The following USH1G variants were observed in gnomAD, a reference collection of about 807,000 sequenced individuals.
USH1G encodes pre-mRNA splicing regulator USH1G.
Under a neutral mutation model 31.9 loss-of-function variants are expected in USH1G, and 27 were observed. The ratio of observed to expected loss-of-function variants is 0.85; its 90% CI spans 0.62 to 1.17. The LOEUF (loss-of-function observed/expected upper bound fraction) is 1.17, where lower values mean the gene tolerates loss of function less well. Among genes scored for constraint, USH1G ranks in the 50% most tolerant of loss-of-function variants. USH1G has a pLI of 0.00. For missense variants in USH1G, 674 were observed against 638.9 expected, an observed-to-expected ratio of 1.05 and a Z score of -0.59; for synonymous variants, 266 against 283.2, an observed-to-expected ratio of 0.94 and a Z score of 0.61.
chr17:74,920,334 C>A lies in USH1G; in HGVS notation c.502G>T (p.Glu168Ter), dbSNP rs1226851798. 1 of 1,609,964 alleles carries A rather than the reference C, an allele frequency of 6.2e-7. No homozygotes were observed. The highest frequency in any genetic ancestry group is 1.1e-5 in the South Asian group (1 of 91,002). ...HERMERRYRR[E>*]LAERSDTLSF... ...AGGGTGTCGGAACGCTCGGCCAGCTCGCGCCGGTATCGCCGCTCCATGCGT... is the reference window on the plus strand; with the variant it reads ...AGGGTGTCGGAACGCTCGGCCAGCTAGCGCCGGTATCGCCGCTCCATGCGT... The change falls in exon 2 of 3, where the codon GAG becomes TAG. Residue 168 changes from glutamate (E) to a stop codon, truncating the protein, a stop_gained. Transcript: ENST00000614341. LOFTEE classifies it high-confidence loss of function. The surrounding 1 kb of genome is among the most constrained non-coding windows in gnomAD (Gnocchi z 5.2).
chr17:74,920,854 G>A lies in USH1G; in HGVS notation c.165-183C>T, dbSNP rs1023514461. 1.3e-5 allele frequency among the ~76,000 whole-genome samples: 2 copies of A among 152,110 alleles called. No homozygotes were observed. The highest frequency in any genetic ancestry group is 2.9e-5 in the Non-Finnish European group (2 of 67,992). On this transcript the variant is annotated intron_variant, in intron 1 of 2. Transcript: ENST00000614341. The surrounding 1 kb of genome is among the most constrained non-coding windows in gnomAD (Gnocchi z 5.2). ...GAGCCACCCAACAGGTGAGCCCAGGGGTGAGCCCAGGGGAAAATGGCCTCA... is the reference window on the plus strand; with the variant it reads ...GAGCCACCCAACAGGTGAGCCCAGGAGTGAGCCCAGGGGAAAATGGCCTCA...
At position 74,919,322 on chromosome 17, in the gene USH1G, G is replaced by T; in HGVS notation, c.1382+132C>A. 1.5e-6 allele frequency: 2 copies of T among 1,370,926 alleles called. No homozygotes were observed. The highest frequency in any genetic ancestry group is 9.6e-7 in the Non-Finnish European group (1 of 1,040,160). The allele number at this position is 1,370,926 out of a possible 1,614,324, so 84.9% of individuals were successfully genotyped here. ...TAAAATAAGGGTGCCTTTTATCATCGATGGCCTCATTTCGATTTTATGAAA... is the reference window on the plus strand; with the variant it reads ...TAAAATAAGGGTGCCTTTTATCATCTATGGCCTCATTTCGATTTTATGAAA... On this transcript the variant is annotated intron_variant, in intron 2 of 2. Transcript: ENST00000614341. The surrounding 1 kb of genome is among the most constrained non-coding windows in gnomAD (Gnocchi z 4.5).
chr17:74,921,419 G>A lies in USH1G; in HGVS notation c.165-748C>T, dbSNP rs552646462. ...CACTTGAGCCTGTCCAGGGACCCCC[G>A]ACAGCCCCCACAAGCACCCTTCACA... On this transcript the variant is annotated intron_variant, in intron 1 of 2. Transcript: ENST00000614341. The surrounding 1 kb of genome is among the most constrained non-coding windows in gnomAD (Gnocchi z 4.6). 5.3e-5 allele frequency among the ~76,000 whole-genome samples: 8 copies of A among 152,058 alleles called. No individual in the cohort carries two copies. Among genetic ancestry groups the A allele is most frequent in the East Asian group, 1.9e-4 (1 of 5,144 alleles).
intron 1 of USH1G, among the ~76,000 whole-genome samples, chr17:74,922,242 C>T (rs1264903740): frequency 6.6e-6 from 1 of 151,668 alleles, no homozygotes; most frequent in African/African-American, 2.4e-5. Flanking sequence ...TATGCCCACC[C>T]CCCCACCCAG....
chr17:74,919,556 C>T lies in USH1G; in HGVS notation c.1280G>A (p.Arg427His). Residue 427 changes from arginine to histidine, a missense_variant, in exon 2 of 3, where the codon CGC becomes CAC. By Grantham distance (29) the Arg-to-His change is conservative. Transcript: ENST00000614341. The surrounding 1 kb of genome is among the most constrained non-coding windows in gnomAD (Gnocchi z 4.5). ...GGGCCCCAGTGGGACGCTGATGCTG[C>T]GGAGGTCGAGGTCAGAGCACAGCAT... is the stretch of plus-strand genomic sequence containing the variant. ...ALMLCSDLDL[R>H]SISVPLGPRK... is the part of the protein sequence containing the mutation. 2 of 1,612,672 alleles carry T rather than the reference C, an allele frequency of 1.2e-6. No individual in the cohort carries two copies. The highest frequency in any genetic ancestry group is 1.7e-6 in the Non-Finnish European group (2 of 1,180,022).
Position 74,918,092 on chromosome 17 carries a change from C to A in USH1G, c.1383-16G>T. The A allele has an allele frequency of 6.2e-7, 1 of 1,613,896 alleles. No homozygotes were observed. Among genetic ancestry groups the A allele is most frequent in the Non-Finnish European group, 8.5e-7 (1 of 1,179,926 alleles). ...CCCCGGTTATCTGTGGAGGAAGAGA[C>A]AGAAAGAAACAGATCTCACATGAGG... On this transcript the variant is annotated splice_polypyrimidine_tract_variant and intron_variant, in intron 2 of 2. Transcript: ENST00000614341. This position sits in a 1 kb window ranked among gnomAD's most constrained non-coding sequence, Gnocchi z 4.1.
In USH1G at chr17:74,919,388, G is replaced by C. The variant is rs2038901425; in HGVS notation, c.1382+66C>G. The C allele has an allele frequency of 6.6e-7, 1 of 1,516,770 alleles. No homozygotes were observed. The highest frequency in any genetic ancestry group is 1.5e-5 in the African/African-American group (1 of 68,930). The allele number at this position is 1,516,770 out of a possible 1,614,324, so 94.0% of individuals were successfully genotyped here. A position where few individuals can be genotyped will look rare whatever the true frequency, so the allele number is the denominator to read the frequency against. ...CCCCTACTCCTGAATAGGCAGATCT[G>C]TACCCCCTCCCCAGGGGCCTTCCAA... On this transcript the variant is annotated intron_variant, in intron 2 of 2. Transcript: ENST00000614341. The surrounding 1 kb of genome is among the most constrained non-coding windows in gnomAD (Gnocchi z 4.5).
Position 74,919,861 on chromosome 17 carries a change from C to T in USH1G, c.975G>A (p.Gly325=), listed in dbSNP as rs150000497. The change falls in exon 2 of 3, where the codon GGG becomes GGA. Residue 325 remains glycine (G), a synonymous_variant. Coordinates refer to ENST00000614341, the MANE Select transcript of USH1G (RefSeq NM_173477.5). This position sits in a 1 kb window ranked among gnomAD's most constrained non-coding sequence, Gnocchi z 4.5. ...CATCCTCGCGGCCCAGTCCGTGCAG[C>T]CCACTGCTCAAGTAATTTCTGCGGA... ...MVFRRNYLSS[G]LHGLGREDGG... is the part of the protein sequence containing the mutation. The T allele has an allele frequency of 3.7e-5, 60 of 1,613,034 alleles. No homozygotes were observed. Among genetic ancestry groups the T allele is most frequent in the Non-Finnish European group, 4.9e-5 (58 of 1,179,958 alleles).
chr17:74,920,393 C>T lies in USH1G; in HGVS notation c.443G>A (p.Arg148His), dbSNP rs1010293771. The change falls in exon 2 of 3, where the codon CGC (arginine) becomes CAC (histidine). Residue 148 changes from arginine (R) to histidine (H), a missense_variant. Coordinates refer to ENST00000614341, the MANE Select transcript of USH1G (RefSeq NM_173477.5). This position sits in a 1 kb window ranked among gnomAD's most constrained non-coding sequence, Gnocchi z 5.2. The stretch of plus-strand genomic sequence containing the variant: ...CCTCCGCTGCAGCTTGGCGCACTCG[C>T]GGATGCGCCGCTCCGCCTCGCGGAA... ...KAFREAERRI[R>H]ECAKLQRRHH... 1.2e-6 allele frequency: 2 copies of T among 1,613,096 alleles called. No homozygotes were observed. The highest frequency in any genetic ancestry group is 1.7e-6 in the Non-Finnish European group (2 of 1,180,026).
At position 74,918,732 on chromosome 17, in the gene USH1G, G is replaced by A. The variant is rs941524022; in HGVS notation, c.1383-656C>T. ...CTCAGGAGGCTGAGGCAGGAGAATC[G>A]CTTGAACCCGGGAGGTGGAGGTTAC... On this transcript the variant is annotated intron_variant, in intron 2 of 2. Transcript: ENST00000614341. This position sits in a 1 kb window ranked among gnomAD's most constrained non-coding sequence, Gnocchi z 4.1. Among the ~76,000 whole-genome samples the A allele has an allele frequency of 8.6e-5, 13 of 151,502 alleles. No homozygotes were observed. The highest frequency in any genetic ancestry group is 2.1e-4 in the South Asian group (1 of 4,804).
Position 74,917,056 on chromosome 17 carries a change from A to G in USH1G, c.*1017T>C, listed in dbSNP as rs2038877595. ...ATACCACATACTTACACACACATGC[A>G]TGCACACACGCATACATGCACACAA... is the stretch of plus-strand genomic sequence containing the variant. On this transcript the variant is annotated 3_prime_UTR_variant, in exon 3 of 3. Coordinates refer to ENST00000614341, the MANE Select transcript of USH1G (RefSeq NM_173477.5). 1 of 152,392 alleles carries G rather than the reference A, an allele frequency of 6.6e-6. No homozygotes were observed. Among genetic ancestry groups the G allele is most frequent in the Non-Finnish European group, 1.5e-5 (1 of 68,220 alleles). The allele number at this position is 152,392 out of a possible 1,614,324, so 9.4% of individuals were successfully genotyped here.
rs199714230 is a variant in USH1G, at chr17:74,920,215, G to T, written c.621C>A (p.His207Gln). 2.5e-6 allele frequency: 4 copies of T among 1,602,770 alleles called. No individual in the cohort carries two copies. The highest frequency in any genetic ancestry group is 4.5e-5 in the East Asian group (2 of 44,884). The change falls in exon 2 of 3, where the codon CAC becomes CAA. Residue 207 changes from histidine (H) to glutamine (Q), a missense_variant. Transcript: ENST00000614341. This position sits in a 1 kb window ranked among gnomAD's most constrained non-coding sequence, Gnocchi z 5.2. ...SHLPYSQATL[H>Q]GTARGKTKMQ... ...TCTTGGTCTTGCCCCTGGCCGTGCC[G>T]TGCAGCGTGGCCTGAGAGTACGGCA...
At position 74,920,584 on chromosome 17, in the gene USH1G, C is replaced by G; in HGVS notation, c.252G>C (p.Leu84=). The change falls in exon 2 of 3, where the codon CTG becomes CTC. Residue 84 remains leucine (L), a synonymous_variant. Coordinates refer to ENST00000614341, the MANE Select transcript of USH1G (RefSeq NM_173477.5). This position sits in a 1 kb window ranked among gnomAD's most constrained non-coding sequence, Gnocchi z 5.2. ...SNGHLHCLSF[L]VSFGANIWCL... is the part of the protein sequence containing the mutation. ...ACCAGATGTTGGCTCCGAAGGACAC[C>G]AGGAAGGACAGGCAGTGCAAGTGGC... 6.2e-7 allele frequency: 1 copy of G among 1,613,822 alleles called. No individual in the cohort carries two copies.
At position 74,918,302 on chromosome 17, in the gene USH1G, T is replaced by C. The variant is rs957174051; in HGVS notation, c.1383-226A>G. Among the ~76,000 whole-genome samples, 2 of 152,042 alleles carry C rather than the reference T, an allele frequency of 1.3e-5. No homozygotes were observed. The highest frequency in any genetic ancestry group is 4.8e-5 in the African/African-American group (2 of 41,406). ...CCCCAGCCATTCAGGATAACGGCCA[T>C]AGATACCTAAGAGGAAATGAGGACA... On this transcript the variant is annotated intron_variant, in intron 2 of 2. Transcript: ENST00000614341. The surrounding 1 kb of genome is among the most constrained non-coding windows in gnomAD (Gnocchi z 4.1).
At chr17:74,922,306 C>T (rs925139775) in intron 1 of USH1G, among the ~76,000 whole-genome samples, 1 of 149,374 alleles carries the variant, frequency 6.7e-6, no homozygotes, top group Admixed American at 6.6e-5. Flanking sequence ...GTGACCACAT[C>T]ACAGCCTCCA....
chr17:74,918,085 G>A lies in USH1G; in HGVS notation c.1383-9C>T, dbSNP rs754803343. ...GAGGAGCCCCCGGTTATCTGTGGAG[G>A]AAGAGACAGAAAGAAACAGATCTCA... On this transcript the variant is annotated splice_polypyrimidine_tract_variant and intron_variant, in intron 2 of 2. Transcript: ENST00000614341. This position sits in a 1 kb window ranked among gnomAD's most constrained non-coding sequence, Gnocchi z 4.1. 1 of 1,614,026 alleles carries A rather than the reference G, an allele frequency of 6.2e-7. No individual in the cohort carries two copies. The highest frequency in any genetic ancestry group is 8.5e-7 in the Non-Finnish European group (1 of 1,179,978).
Position 74,920,819 on chromosome 17 carries a change from C to A in USH1G, c.165-148G>T, listed in dbSNP as rs1004932901. ...TGAGATCTCTCCCACTCCAGGAGACCTGCAGGCCTGAGCCACCCAACAGGT... is the reference window on the plus strand; with the variant it reads ...TGAGATCTCTCCCACTCCAGGAGACATGCAGGCCTGAGCCACCCAACAGGT... On this transcript the variant is annotated intron_variant, in intron 1 of 2. Coordinates refer to ENST00000614341, the MANE Select transcript of USH1G (RefSeq NM_173477.5). This position sits in a 1 kb window ranked among gnomAD's most constrained non-coding sequence, Gnocchi z 5.2. 11 of 1,260,666 alleles carry A rather than the reference C, an allele frequency of 8.7e-6. No individual in the cohort carries two copies. The highest frequency in any genetic ancestry group is 1.2e-5 in the Non-Finnish European group (11 of 915,226). The allele number at this position is 1,260,666 out of a possible 1,614,324, so 78.1% of individuals were successfully genotyped here. A position where few individuals can be genotyped will look rare whatever the true frequency, so the allele number is the denominator to read the frequency against.
At position 74,922,973 on chromosome 17, in the gene USH1G, G is replaced by T. The variant is rs887769493; in HGVS notation, c.101C>A (p.Thr34Asn). The T allele has an allele frequency of 4.5e-6, 7 of 1,556,916 alleles. No individual in the cohort carries two copies. Among genetic ancestry groups the T allele is most frequent in the Admixed American group, 1.9e-5 (1 of 52,252 alleles). Residue 34 changes from threonine to asparagine, a missense_variant, in exon 1 of 3, where the codon ACC (threonine) becomes AAC (asparagine). Transcript: ENST00000614341. ...ELNAPDEDGM[T>N]PTLWAAYHGN... ...ATGGTAGGCAGCCCAGAGAGTGGGG[G>T]TCATGCCATCCTCGTCGGGGGCATT...
chr17:74,919,057 A>C lies in USH1G; in HGVS notation c.1382+397T>G, dbSNP rs2038898231. The stretch of plus-strand genomic sequence containing the variant: ...AATCCACCAATATAGTCCAGCGCAC[A>C]CAGGCTTTTAGAGGGATTAAGCAAG... On this transcript the variant is annotated intron_variant, in intron 2 of 2. Coordinates refer to ENST00000614341, the MANE Select transcript of USH1G (RefSeq NM_173477.5). This position sits in a 1 kb window ranked among gnomAD's most constrained non-coding sequence, Gnocchi z 4.5. Among the ~76,000 whole-genome samples the C allele has an allele frequency of 6.6e-6, 1 of 152,200 alleles. No homozygotes were observed. Among genetic ancestry groups the C allele is most frequent in the Non-Finnish European group, 1.5e-5 (1 of 68,038 alleles).
Sources: allele counts gnomAD v4.1 joint callset (sites outside exome capture counted in the v4.1 genomes callset), GRCh38; gene constraint gnomAD v4.1.1; non-coding constraint Gnocchi (gnomAD v3.1); transcripts MANE v1.5; gene names NCBI Gene and HGNC (gene_info 2026-07-23, HGNC 2026-07-21).